Variants in PAPPA observed in about 807,000 individuals in gnomAD.
PAPPA encodes the protein pappalysin-1.
In PAPPA, 60 loss-of-function variants were observed where a neutral mutation model predicts 164.0. The observed-to-expected ratio is 0.37, with a 90% CI of 0.30 to 0.45. The LOEUF (loss-of-function observed/expected upper bound fraction) is 0.45, where lower values mean the gene tolerates loss of function less well. PAPPA is among the 20% of genes least tolerant of loss of function. The pLI, the probability that PAPPA is intolerant of heterozygous loss-of-function variation, is 1.00. For missense variants in PAPPA, 1,782 were observed against 2,087.3 expected (o/e 0.85, Z 2.85); for synonymous variants, 875 against 814.1 (o/e 1.07, Z -1.27).
In PAPPA at chr9:116,173,119, G is replaced by A. The variant is rs199507285; in HGVS notation, c.416-14035G>A. Reference sequence around the variant, plus strand: ...TCAGCTAGAGACCAGGATCAAGGCTGAACTAATCATCCTCTACCTAGTGCA... The same window carrying A: ...TCAGCTAGAGACCAGGATCAAGGCTAAACTAATCATCCTCTACCTAGTGCA... On this transcript the variant is annotated intron_variant, in intron 1 of 21. Coordinates refer to ENST00000328252, the MANE Select transcript of PAPPA (RefSeq NM_002581.5). Among the ~76,000 whole-genome samples the A allele has an allele frequency of 3.9e-5, 6 of 152,258 alleles. No individual in the cohort carries two copies. In the East Asian group the frequency reaches 1.2e-3, roughly 29 times the overall value.
At chr9:116,222,418 C>T (rs1444910339) in intron 5 of PAPPA, among the ~76,000 whole-genome samples, 1 of 151,840 alleles carries the variant, frequency 6.6e-6, no homozygotes, top group East Asian at 1.9e-4. Flanking sequence ...TTCAACTTAC[C>T]GTATTTTCAA....
intron 17 of PAPPA, 34 bp from the exon 18 acceptor site, chr9:116,362,558 C>T (rs760195044): frequency 6.2e-7 from 1 of 1,601,828 alleles, no homozygotes; most frequent in Non-Finnish European, 8.5e-7. Context: ...GCTGGTGTCT[C>T]TCTTGGTCCT....
At chr9:116,373,230 T>C (rs937170016) in intron 19 of PAPPA, 3 of 152,140 alleles carry the variant, frequency 2.0e-5, no homozygotes, top group Admixed American at 6.5e-5. Flanking sequence ...CATTCATTTA[T>C]GGACACGCTC....
At chr9:116,303,142 T>C (rs928701484) in intron 10 of PAPPA, among the ~76,000 whole-genome samples, 192 bp downstream of exon 10, 2 of 152,164 alleles carry the variant, frequency 1.3e-5, no homozygotes, top group African/African-American at 4.8e-5. Context: ...GCAGGGAACA[T>C]TGTATGATAG....
chr9:116,187,229 A>G lies in PAPPA; in HGVS notation c.491A>G (p.Asp164Gly), dbSNP rs148540068. The change falls in exon 2 of 22, where the codon GAC (aspartate) becomes GGC (glycine). Residue 164 changes from aspartate to glycine, a missense_variant. Physicochemically the swap from Asp to Gly is moderately conservative, Grantham distance 94. Around this residue, in one of 2 missense-constraint regions of PAPPA, gnomAD observed 458 missense variants for 430.3 expected, o/e 1.06. Transcript: ENST00000328252. The surrounding 1 kb of genome is among the most constrained non-coding windows in gnomAD (Gnocchi z 4.2). ...GGCATTCACACCATCAGTGACCAAG[A>G]CAACAAAGACCCACGCTACTTTTTC... ...VVGIHTISDQ[D>G]NKDPRYFFSL... The G allele has an allele frequency of 2.5e-5, 41 of 1,614,020 alleles. No homozygotes were observed. Among genetic ancestry groups the G allele is most frequent in the Non-Finnish European group, 3.3e-5 (39 of 1,180,042 alleles).
chr9:116,321,794 C>T (rs1274970608), intron 10 of PAPPA, among the ~76,000 whole-genome samples: 2 of 152,150 alleles, frequency 1.3e-5, no homozygotes, highest in African/African-American at 2.4e-5. Flanking sequence ...GCATTAGACA[C>T]TGATGAAAAG....
chr9:116,307,834 T>C (rs777296396), intron 10 of PAPPA, among the ~76,000 whole-genome samples: 12 of 152,142 alleles, frequency 7.9e-5, no homozygotes, highest in Non-Finnish European at 1.6e-4. Flanking sequence ...TAAGTTACTC[T>C]TCTGGGAATC....
intron 2 of PAPPA, among the ~76,000 whole-genome samples, chr9:116,195,941 T>G (rs1844098983): frequency 6.6e-6 from 1 of 152,174 alleles, no homozygotes; most frequent in African/African-American, 2.4e-5. Context: ...AATATATTGA[T>G]TATCCCAAGA....
intron 7 of PAPPA, among the ~76,000 whole-genome samples, chr9:116,245,901 C>T (rs1186634128): frequency 6.6e-6 from 1 of 152,138 alleles, no homozygotes; most frequent in Non-Finnish European, 1.5e-5. Context: ...AATCTTTTTC[C>T]ATAACCATAA....
At position 116,207,903 on chromosome 9, in the gene PAPPA, T is replaced by A. The variant is rs533435319; in HGVS notation, c.1624+302T>A. Among the ~76,000 whole-genome samples the A allele has an allele frequency of 2.7e-4, 41 of 152,312 alleles. 2 individuals carry two copies. The South Asian group carries it at 8.1e-3, about 30-fold the overall frequency. On this transcript the variant is annotated intron_variant, in intron 3 of 21. Coordinates refer to ENST00000328252, the MANE Select transcript of PAPPA (RefSeq NM_002581.5). ...ACACGCAAGACAGTGACAGTCACAATTGGAATTTAAGTTTCCAACACTGCC... is the reference window on the plus strand; with the variant it reads ...ACACGCAAGACAGTGACAGTCACAAATGGAATTTAAGTTTCCAACACTGCC...
chr9:116,254,929 T>C (rs1242526089), intron 7 of PAPPA, among the ~76,000 whole-genome samples: 1 of 151,892 alleles, frequency 6.6e-6, no homozygotes, highest in Non-Finnish European at 1.5e-5. Context: ...ATAATAAGCA[T>C]GGATGATTTT....
intron 17 of PAPPA, among the ~76,000 whole-genome samples, chr9:116,360,896 G>T (rs539962818): frequency 8.5e-5 from 13 of 152,324 alleles, no homozygotes; most frequent in African/African-American, 2.9e-4. Flanking sequence ...GTAATGTCCT[G>T]TCAGAGACAT....
intron 17 of PAPPA, among the ~76,000 whole-genome samples, chr9:116,355,196 C>T (rs921047359): frequency 9.2e-4 from 1 of 1,086 alleles, no homozygotes; most frequent in Non-Finnish European, 0.028. Flanking sequence ...GCACCCTTCC[C>T]TGTGCCTCTC....
chr9:116,218,505 G>T (rs1402071324), intron 4 of PAPPA, among the ~76,000 whole-genome samples: 1 of 152,104 alleles, frequency 6.6e-6, no homozygotes, highest in Non-Finnish European at 1.5e-5. Flanking sequence ...ACAGTGCATT[G>T]CCCTGTCCCT....
intron 8 of PAPPA, among the ~76,000 whole-genome samples, chr9:116,269,483 T>C (rs760426508): frequency 1.3e-5 from 2 of 152,194 alleles, no homozygotes; most frequent in Non-Finnish European, 2.9e-5. Flanking sequence ...CAGCCTCTTA[T>C]AAGGGGCTCT....
intron 9 of PAPPA, among the ~76,000 whole-genome samples, chr9:116,280,766 C>T (rs1347273456): frequency 1.3e-5 from 2 of 152,242 alleles, no homozygotes; most frequent in East Asian, 3.8e-4. Flanking sequence ...TGCCTGTTTT[C>T]ATAGACAAAG....
chr9:116,257,924 GTA>G (rs1441358076), intron 7 of PAPPA, among the ~76,000 whole-genome samples: 1 of 151,888 alleles, frequency 6.6e-6, no homozygotes, highest in African/African-American at 2.4e-5. Flanking sequence ...GTAATTATGT[GTA>G]TGTGTGTGTG....
At chr9:116,206,517 C>G (rs546455128) in intron 2 of PAPPA, among the ~76,000 whole-genome samples, 1 of 152,260 alleles carries the variant, frequency 6.6e-6, no homozygotes, top group South Asian at 2.1e-4. Context: ...TATTTTTACT[C>G]TTACTTTCCC....
chr9:116,389,975 T>C (rs1322854896), intron 21 of PAPPA, among the ~76,000 whole-genome samples: 1 of 152,186 alleles, frequency 6.6e-6, no homozygotes, highest in Non-Finnish European at 1.5e-5. Flanking sequence ...ATATTCAAAT[T>C]TCCAGTGTAC....
Sources: allele counts gnomAD v4.1 joint callset (sites outside exome capture counted in the v4.1 genomes callset), GRCh38; gene constraint gnomAD v4.1.1; regional missense constraint gnomAD v4.1.1; non-coding constraint Gnocchi (gnomAD v3.1); transcripts MANE v1.5; gene names NCBI Gene and HGNC (gene_info 2026-07-23, HGNC 2026-07-21).